APLP2: variants seen among roughly 807,000 people sequenced by gnomAD.
APLP2 encodes CDEI box-binding protein.
Under a neutral mutation model 89.9 loss-of-function variants are expected in APLP2, and 53 were observed. The observed-to-expected ratio is 0.59, with a 90% CI of 0.47 to 0.74. The LOEUF (loss-of-function observed/expected upper bound fraction) is 0.74. Among genes scored for constraint, APLP2 ranks in the 30% least tolerant of loss-of-function variants. The pLI, the probability that APLP2 is intolerant of heterozygous loss-of-function variation, is 0.00. For missense variants in APLP2, 973 were observed against 975.9 expected, an observed-to-expected ratio of 1.00 and a Z score of 0.04; for synonymous variants, 372 against 348.6, an observed-to-expected ratio of 1.07 and a Z score of -0.75.
chr11:130,071,168 G>C (rs1941010381), intron 1 of APLP2, among the ~76,000 whole-genome samples: 2 of 152,200 alleles, frequency 1.3e-5, no homozygotes, highest in Non-Finnish European at 2.9e-5. Flanking sequence ...AGAGAGACCT[G>C]AAGACTGGAT....
intron 1 of APLP2, among the ~76,000 whole-genome samples, chr11:130,080,968 C>G (rs1366606458): frequency 3.3e-5 from 5 of 152,064 alleles, no homozygotes; most frequent in African/African-American, 1.2e-4. Context: ...GGATTACAGG[C>G]GTGAGCCACC....
chr11:130,075,553 C>T (rs187226973), intron 1 of APLP2, among the ~76,000 whole-genome samples: 143 of 152,252 alleles, frequency 9.4e-4, no homozygotes, highest in African/African-American at 3.4e-3. Context: ...CAGAGATTGT[C>T]GTTGAGTACC....
Position 130,141,692 on chromosome 11 carries a change from C to T in APLP2, c.1998+120C>T. Reference sequence around the variant, plus strand: ...CTGAGCTAATAAGGGTCCCTCATCCCCAGCTTTCCGTACTTTTGGATAAGA... The same window carrying T: ...CTGAGCTAATAAGGGTCCCTCATCCTCAGCTTTCCGTACTTTTGGATAAGA... On this transcript the variant is annotated intron_variant, in intron 15 of 16. Transcript: ENST00000338167. The surrounding 1 kb of genome is among the most constrained non-coding windows in gnomAD (Gnocchi z 4.2). 2 of 981,554 alleles carry T rather than the reference C, an allele frequency of 2.0e-6. No individual in the cohort carries two copies. Among genetic ancestry groups the T allele is most frequent in the Non-Finnish European group, 3.0e-6 (2 of 659,298 alleles). 60.8% of individuals were successfully genotyped at this position (981,554 alleles called of 1,614,324 possible). A position where few individuals can be genotyped will look rare whatever the true frequency, so the allele number is the denominator to read the frequency against.
At chr11:130,114,525 A>C (rs1049689812) in intron 3 of APLP2, among the ~76,000 whole-genome samples, 1 of 152,188 alleles carries the variant, frequency 6.6e-6, no homozygotes, top group African/African-American at 2.4e-5. Flanking sequence ...CATTGTCTGC[A>C]TTTGGCCAGT....
rs1296738575 is a variant in APLP2, at chr11:130,120,828, C to T, written c.516+10C>T. 1.3e-6 allele frequency: 2 copies of T among 1,592,860 alleles called. No homozygotes were observed. The highest frequency in any genetic ancestry group is 2.2e-5 in the East Asian group (1 of 44,780). Reference sequence around the variant, plus strand: ...CACGGTAGTCAAAGAGGTAAGAGAACTCGGGGGGAAAGTCAGCTGCTGTTG... The same window carrying T: ...CACGGTAGTCAAAGAGGTAAGAGAATTCGGGGGGAAAGTCAGCTGCTGTTG... On this transcript the variant is annotated intron_variant, in intron 4 of 16. Transcript: ENST00000338167.
chr11:130,142,976 A>G (rs1258620651), intron 16 of APLP2, among the ~76,000 whole-genome samples: 2 of 152,086 alleles, frequency 1.3e-5, no homozygotes, highest in African/African-American at 4.8e-5. Context: ...ACTGAAAAAG[A>G]CCAGAGATCC....
At chr11:130,111,923 C>A (rs1948631947) in intron 3 of APLP2, among the ~76,000 whole-genome samples, 2 of 152,130 alleles carry the variant, frequency 1.3e-5, no homozygotes, top group African/African-American at 4.8e-5. Flanking sequence ...TGCATTGCTC[C>A]CCCTAAAGAC....
intron 1 of APLP2, among the ~76,000 whole-genome samples, chr11:130,090,905 C>G (rs1565559576): frequency 6.7e-6 from 1 of 148,848 alleles, no homozygotes; most frequent in Admixed American, 6.6e-5. Context: ...TGACCCCCCC[C>G]ATCTCCCTCC....
chr11:130,123,166 C>T lies in APLP2; in HGVS notation c.923-446C>T, dbSNP rs553577220. ...AACCAGTTGAGAAGTTTGTGATTTGCCTTAGAGAACATAAAAGTGGGAAAC... is the reference window on the plus strand; with the variant it reads ...AACCAGTTGAGAAGTTTGTGATTTGTCTTAGAGAACATAAAAGTGGGAAAC... On this transcript the variant is annotated intron_variant, in intron 6 of 16. Coordinates refer to ENST00000338167, the MANE Select transcript of APLP2 (RefSeq NM_001142276.2). The surrounding 1 kb of genome is among the most constrained non-coding windows in gnomAD (Gnocchi z 4.0). Among the ~76,000 whole-genome samples, 1 of 152,224 alleles carries T rather than the reference C, an allele frequency of 6.6e-6. No individual in the cohort carries two copies. The highest frequency in any genetic ancestry group is 2.1e-4 in the South Asian group (1 of 4,816).
At chr11:130,082,915 C>T (rs1170726728) in intron 1 of APLP2, 1 of 152,408 alleles carries the variant, frequency 6.6e-6, no homozygotes, top group African/African-American at 2.4e-5. Context: ...CACATGTCAG[C>T]CACAAGACAT....
In APLP2 at chr11:130,069,922, C is replaced by A; in HGVS notation, c.-56C>A. 2.3e-6 allele frequency: 3 copies of A among 1,324,768 alleles called. No homozygotes were observed. Among genetic ancestry groups the A allele is most frequent in the Non-Finnish European group, 2.0e-6 (2 of 975,738 alleles). 82.1% of individuals were successfully genotyped at this position (1,324,768 alleles called of 1,614,324 possible). A position where few individuals can be genotyped will look rare whatever the true frequency, so the allele number is the denominator to read the frequency against. On this transcript the variant is annotated 5_prime_UTR_variant, in exon 1 of 17. Coordinates refer to ENST00000338167, the MANE Select transcript of APLP2 (RefSeq NM_001142276.2). Reference sequence around the variant, plus strand: ...TGCTTCTGGGTCGCGGTGTGCTAAGCGAGGAGTCCGAGTGTGTGAGCTTGA... The same window carrying A: ...TGCTTCTGGGTCGCGGTGTGCTAAGAGAGGAGTCCGAGTGTGTGAGCTTGA...
chr11:130,133,800 G>C, intron 12 of APLP2, 72 bp downstream of exon 12: 1 of 1,193,146 alleles, frequency 8.4e-7, no homozygotes, highest in Non-Finnish European at 1.2e-6. Flanking sequence ...AGCTGGGCAA[G>C]AGTAGAGAGA....
At chr11:130,092,326 C>T (rs1287725647) in intron 1 of APLP2, among the ~76,000 whole-genome samples, 6 of 122,154 alleles carry the variant, frequency 4.9e-5, no homozygotes, top group East Asian at 2.8e-4. Flanking sequence ...GGGTGGCGGC[C>T]GGGCAGAGGC....
At chr11:130,130,847 C>T (rs1188882356) in intron 11 of APLP2, among the ~76,000 whole-genome samples, 1 of 152,192 alleles carries the variant, frequency 6.6e-6, no homozygotes, top group Non-Finnish European at 1.5e-5. Context: ...TGCACGGGTG[C>T]TGGCCTGTCA....
chr11:130,093,727 C>T (rs1945770689), intron 1 of APLP2, among the ~76,000 whole-genome samples: 1 of 152,030 alleles, frequency 6.6e-6, no homozygotes, highest in Non-Finnish European at 1.5e-5. Context: ...TTGGGAAAAT[C>T]TTGGAACTTT....
chr11:130,099,752 A>G (rs1946658865), intron 1 of APLP2, among the ~76,000 whole-genome samples: 1 of 152,166 alleles, frequency 6.6e-6, no homozygotes, highest in Non-Finnish European at 1.5e-5. Flanking sequence ...TGGATTTGGG[A>G]AGGATGGCCA....
chr11:130,143,060 C>T (rs1001230603), intron 16 of APLP2, among the ~76,000 whole-genome samples: 1 of 152,194 alleles, frequency 6.6e-6, no homozygotes, highest in African/African-American at 2.4e-5. Context: ...TAAGCAGTGG[C>T]GCCGAGCCTT....
At position 130,109,524 on chromosome 11, in the gene APLP2, T is replaced by G. The variant is rs141677086; in HGVS notation, c.201T>G (p.Thr67=). Residue 67 remains threonine (T), a synonymous_variant, in exon 2 of 17, where the codon ACT becomes ACG. Coordinates refer to ENST00000338167, the MANE Select transcript of APLP2 (RefSeq NM_001142276.2). The stretch of plus-strand genomic sequence containing the variant: ...TAAATATGCATGTGAACATTCAGAC[T>G]GGGAAATGGGAACCTGATCCAACAG... The part of the protein sequence containing the change: ...GKLNMHVNIQ[T]GKWEPDPTGT... The G allele has an allele frequency of 1.7e-3, 2,763 of 1,613,868 alleles. 10 individuals carry two copies. The highest frequency in any genetic ancestry group is 2.1e-3 in the Non-Finnish European group (2,497 of 1,179,880).
intron 1 of APLP2, among the ~76,000 whole-genome samples, chr11:130,091,217 G>A (rs1367610851): frequency 1.1e-4 from 16 of 139,420 alleles, no homozygotes; most frequent in Non-Finnish European, 2.2e-4. Context: ...CGGGCAGGGG[G>A]GCTGACCCCC....
Sources: allele counts gnomAD v4.1 joint callset (sites outside exome capture counted in the v4.1 genomes callset), GRCh38; gene constraint gnomAD v4.1.1; non-coding constraint Gnocchi (gnomAD v3.1); transcripts MANE v1.5; gene names NCBI Gene and HGNC (gene_info 2026-07-23, HGNC 2026-07-21).